Variants in OSBPL1A observed in about 807,000 individuals in gnomAD.
The protein encoded by OSBPL1A is oxysterol-binding protein-related protein 1.
A neutral mutation model predicts 137.1 loss-of-function variants in OSBPL1A; 80 were observed. That is an observed-to-expected ratio of 0.58 (90% CI 0.49 to 0.70). The LOEUF (loss-of-function observed/expected upper bound fraction) is 0.70. Among genes scored for constraint, OSBPL1A ranks in the 30% least tolerant of loss-of-function variants. The probability of loss-of-function intolerance (pLI) is 0.00; values close to 1 mark genes in which losing one functional copy is unlikely to be tolerated. For missense variants in OSBPL1A, 970 were observed against 1,129.4 expected (o/e 0.86, Z 2.02); for synonymous variants, 365 against 389.7 (o/e 0.94, Z 0.75).
chr18:24,290,894 C>T (rs544472735), intron 14 of OSBPL1A, among the ~76,000 whole-genome samples: 2 of 152,142 alleles, frequency 1.3e-5, no homozygotes, highest in African/African-American at 4.8e-5. Flanking sequence ...ACTTTCTTGC[C>T]TAAGCTCTGG....
intron 7 of OSBPL1A, among the ~76,000 whole-genome samples, chr18:24,331,823 T>C (rs2091084822): frequency 6.6e-6 from 1 of 152,234 alleles, no homozygotes; most frequent in Non-Finnish European, 1.5e-5. Context: ...TTTGCATATC[T>C]GGCTATTGCT....
intron 15 of OSBPL1A, among the ~76,000 whole-genome samples, chr18:24,254,918 T>C (rs2089225999): frequency 6.6e-6 from 1 of 152,116 alleles, no homozygotes; most frequent in Non-Finnish European, 1.5e-5. Context: ...AAAGATGGTT[T>C]TTTGAAAAGA....
At chr18:24,392,370 G>A (rs760659736) in intron 1 of OSBPL1A, among the ~76,000 whole-genome samples, 2 of 151,774 alleles carry the variant, frequency 1.3e-5, no homozygotes, top group Non-Finnish European at 2.9e-5. Context: ...TGTTGGTCAG[G>A]CTGGTCTCAA....
intron 14 of OSBPL1A, among the ~76,000 whole-genome samples, chr18:24,290,685 A>G (rs2090159797): frequency 1.3e-5 from 2 of 152,170 alleles, no homozygotes; most frequent in Admixed American, 1.3e-4. Context: ...TCTGTCTCCA[A>G]AAAATAAATA....
intron 21 of OSBPL1A, among the ~76,000 whole-genome samples, chr18:24,174,794 G>A (rs1333642760): frequency 6.6e-6 from 1 of 151,550 alleles, no homozygotes; most frequent in African/African-American, 2.4e-5. Flanking sequence ...TTTTTTTAGA[G>A]ATGAGGTCTT....
At chr18:24,217,861 A>T (rs2087757668) in intron 17 of OSBPL1A, among the ~76,000 whole-genome samples, 1 of 152,152 alleles carries the variant, frequency 6.6e-6, no homozygotes, top group Admixed American at 6.6e-5. Context: ...CTGAAACATA[A>T]ATCTGGCCAC....
chr18:24,352,532 C>T (rs1187146790), intron 4 of OSBPL1A, among the ~76,000 whole-genome samples: 1 of 152,078 alleles, frequency 6.6e-6, no homozygotes, highest in African/African-American at 2.4e-5. Context: ...ATCAAGCTAC[C>T]AATGCCTTTC....
At chr18:24,238,819 C>A (rs181423270) in intron 16 of OSBPL1A, among the ~76,000 whole-genome samples, 1 of 152,304 alleles carries the variant, frequency 6.6e-6, no homozygotes, top group Admixed American at 6.5e-5. Flanking sequence ...CAAGCACTTG[C>A]GCTTCGTTAC....
intron 5 of OSBPL1A, among the ~76,000 whole-genome samples, chr18:24,337,318 G>A (rs1236832164): frequency 6.6e-6 from 1 of 150,864 alleles, no homozygotes; most frequent in Non-Finnish European, 1.5e-5. Context: ...AATATATTGA[G>A]GCCTTTTCTC....
At chr18:24,203,731 C>T (rs1187508526) in intron 17 of OSBPL1A, among the ~76,000 whole-genome samples, 1 of 152,202 alleles carries the variant, frequency 6.6e-6, no homozygotes, top group Non-Finnish European at 1.5e-5. Context: ...CAAAGAGCCA[C>T]ATGTAGAGCA....
intron 15 of OSBPL1A, among the ~76,000 whole-genome samples, chr18:24,250,174 G>GT (rs1233264916): frequency 9.4e-4 from 71 of 75,318 alleles, no homozygotes; most frequent in Non-Finnish European, 1.0e-3. Context: ...TTGTTTGTTT[G>GT]TTTGTTTGTT....
At position 24,225,096 on chromosome 18, in the gene OSBPL1A, T is replaced by C; in HGVS notation, c.1547A>G (p.Glu516Gly). The C allele has an allele frequency of 6.2e-7, 1 of 1,614,212 alleles. No homozygotes were observed. Among genetic ancestry groups the C allele is most frequent in the Admixed American group, 1.7e-5 (1 of 60,024 alleles). ...ATCTCCGCCACCACAGTCTTTTTCTTCGGACATTCTGTGTTTTCTACTGCC... is the reference window on the plus strand; with the variant it reads ...ATCTCCGCCACCACAGTCTTTTTCTCCGGACATTCTGTGTTTTCTACTGCC... ...HLGSRKHRMS[E>G]EKDCGGGDAL... Residue 516 changes from glutamate (E) to glycine (G), a missense_variant, in exon 17 of 28, where the codon GAA becomes GGA. Physicochemically the swap from Glu to Gly is moderately conservative, Grantham distance 98. Transcript: ENST00000319481.
intron 2 of OSBPL1A, among the ~76,000 whole-genome samples, chr18:24,371,017 A>G (rs567121435): frequency 7.2e-5 from 11 of 152,144 alleles, no homozygotes; most frequent in Non-Finnish European, 1.5e-4. Flanking sequence ...ACTTCCTTCA[A>G]TAAATTCAGT....
At chr18:24,170,612 A>T in intron 23 of OSBPL1A, 159 bp from the exon 24 acceptor site, 1 of 694,756 alleles carries the variant, frequency 1.4e-6, no homozygotes, top group South Asian at 1.7e-5. Context: ...TCAGGGTGGC[A>T]TCGCCATAGA....
intron 4 of OSBPL1A, among the ~76,000 whole-genome samples, chr18:24,353,347 G>A (rs909732891): frequency 4.6e-5 from 7 of 152,102 alleles, no homozygotes; most frequent in African/African-American, 1.7e-4. Flanking sequence ...TCAAAGAAAT[G>A]CAAATCAAAA....
chr18:24,198,493 A>C (rs577027103), intron 17 of OSBPL1A, among the ~76,000 whole-genome samples: 15 of 152,294 alleles, frequency 9.8e-5, no homozygotes, highest in African/African-American at 3.4e-4. Context: ...TTCAGAACAT[A>C]ACCAGAAAGC....
chr18:24,210,895 AAAT>A (rs1309669220), intron 17 of OSBPL1A, among the ~76,000 whole-genome samples: 1 of 152,172 alleles, frequency 6.6e-6, no homozygotes, highest in African/African-American at 2.4e-5. Context: ...AAAAAGCTGA[AAAT>A]AATTTCTTGA....
intron 16 of OSBPL1A, among the ~76,000 whole-genome samples, chr18:24,237,620 T>C (rs2088530613): frequency 6.6e-6 from 1 of 152,196 alleles, no homozygotes; most frequent in Non-Finnish European, 1.5e-5. Flanking sequence ...AGTTTTATTT[T>C]TAAAAAAGAA....
chr18:24,375,176 G>A (rs765798434), intron 2 of OSBPL1A, among the ~76,000 whole-genome samples: 7 of 151,978 alleles, frequency 4.6e-5, no homozygotes, highest in South Asian at 2.1e-4. Context: ...TTAGCCAGGC[G>A]TGGTGGCATG....
Sources: gnomAD v4.1 joint callset for allele counts (sites outside exome capture counted in the v4.1 genomes callset) on GRCh38, gnomAD v4.1.1 for gene constraint, MANE v1.5 for transcripts, NCBI Gene and HGNC (gene_info 2026-07-23, HGNC 2026-07-21) for gene names.